Variants in CCDC178 observed in about 807,000 individuals in gnomAD.
The protein encoded by CCDC178 is coiled-coil domain containing 178.
Under a neutral mutation model 117.4 loss-of-function variants are expected in CCDC178, and 126 were observed. That is an observed-to-expected ratio of 1.07 (90% confidence interval 0.93 to 1.24). The LOEUF (loss-of-function observed/expected upper bound fraction) is 1.24. Among genes scored for constraint, CCDC178 ranks in the 50% most tolerant of loss-of-function variants. The probability of loss-of-function intolerance (pLI) is 0.00; values close to 1 mark genes in which losing one functional copy is unlikely to be tolerated. For synonymous variants in CCDC178, 283 were observed against 313.4 expected, an observed-to-expected ratio of 0.90 and a Z score of 1.02; for missense variants, 1,030 against 986.9, an observed-to-expected ratio of 1.04 and a Z score of -0.59.
intron 21 of CCDC178, among the ~76,000 whole-genome samples, chr18:33,004,876 C>A (rs2055716463): frequency 6.6e-6 from 1 of 152,054 alleles, no homozygotes; most frequent in Non-Finnish European, 1.5e-5. Flanking sequence ...CTCAACATCA[C>A]TGATCATCAG....
chr18:33,081,168 T>C (rs1327925879), intron 21 of CCDC178, among the ~76,000 whole-genome samples: 1 of 152,178 alleles, frequency 6.6e-6, no homozygotes, highest in African/African-American at 2.4e-5. Context: ...TCACAATGTG[T>C]CTGAGGTTTT....
intron 21 of CCDC178, among the ~76,000 whole-genome samples, chr18:32,979,492 TG>T (rs548624315): frequency 1.1e-4 from 16 of 152,274 alleles, no homozygotes; most frequent in African/African-American, 3.9e-4. Flanking sequence ...AATTTTGAAT[TG>T]TAATAGAAAA....
intron 6 of CCDC178, among the ~76,000 whole-genome samples, chr18:33,365,600 A>C (rs1377227334): frequency 6.6e-6 from 1 of 152,098 alleles, no homozygotes; most frequent in Non-Finnish European, 1.5e-5. Flanking sequence ...CATTTTATAA[A>C]TATTAGCTTT....
chr18:33,043,248 T>G (rs951510854), intron 21 of CCDC178, among the ~76,000 whole-genome samples: 1 of 152,036 alleles, frequency 6.6e-6, no homozygotes, highest in Non-Finnish European at 1.5e-5. Flanking sequence ...GTAAAAAAAC[T>G]ATCTAAAAAG....
chr18:33,430,931 C>T lies in CCDC178; in HGVS notation c.-23+9031G>A, dbSNP rs577299770. On this transcript the variant is annotated intron_variant, in intron 2 of 22. Transcript: ENST00000383096. The stretch of plus-strand genomic sequence containing the variant: ...ACTAAAAACACACAAAAAAATTAGC[C>T]GGGCGCGGTGGTGGGCCCCTGTGGT... Among the ~76,000 whole-genome samples the T allele has an allele frequency of 5.7e-4, 86 of 151,968 alleles. 1 individual carries two copies. Among genetic ancestry groups the T allele is most frequent in the African/African-American group, 2.0e-3 (82 of 41,484 alleles).
At chr18:33,174,797 G>T (rs1168373875) in intron 20 of CCDC178, among the ~76,000 whole-genome samples, 3 of 151,890 alleles carry the variant, frequency 2.0e-5, no homozygotes, top group Admixed American at 6.6e-5. Context: ...AATAATAGGA[G>T]TAACCTTATC....
chr18:33,048,340 C>T (rs978707568), intron 21 of CCDC178, among the ~76,000 whole-genome samples: 48 of 152,084 alleles, frequency 3.2e-4, no homozygotes, highest in African/African-American at 1.1e-3. Flanking sequence ...TAAGATACTC[C>T]CAACATTCTA....
intron 22 of CCDC178, among the ~76,000 whole-genome samples, chr18:32,941,171 A>T (rs1292012830): frequency 6.6e-6 from 1 of 152,018 alleles, no homozygotes; most frequent in Non-Finnish European, 1.5e-5. Flanking sequence ...GCAGATCTGT[A>T]ATGTGACATG....
intron 21 of CCDC178, among the ~76,000 whole-genome samples, chr18:33,042,413 C>T (rs2056565632): frequency 6.6e-6 from 1 of 151,824 alleles, no homozygotes; most frequent in African/African-American, 2.4e-5. Flanking sequence ...AAGATAAATT[C>T]AAAAGGTGTA....
intron 11 of CCDC178, among the ~76,000 whole-genome samples, chr18:33,305,640 C>T (rs2062238260): frequency 6.6e-6 from 1 of 152,128 alleles, no homozygotes; most frequent in Admixed American, 6.5e-5. Context: ...CTATTTACTC[C>T]TCTTAGTGAT....
intron 20 of CCDC178, among the ~76,000 whole-genome samples, chr18:33,094,742 C>T (rs910078306): frequency 6.6e-6 from 1 of 151,902 alleles, no homozygotes; most frequent in Non-Finnish European, 1.5e-5. Flanking sequence ...ACCAGTTCTT[C>T]CACTTTATAT....
intron 20 of CCDC178, among the ~76,000 whole-genome samples, chr18:33,127,025 C>T (rs1258444597): frequency 1.7e-4 from 24 of 141,040 alleles, no homozygotes; most frequent in African/African-American, 6.5e-4. Context: ...TACACACACA[C>T]ACACACACAC....
intron 5 of CCDC178, among the ~76,000 whole-genome samples, chr18:33,384,542 G>A (rs1285262768): frequency 6.6e-6 from 1 of 152,154 alleles, no homozygotes; most frequent in Non-Finnish European, 1.5e-5. Flanking sequence ...AGCCAGAAGA[G>A]ATTGGGGGCC....
chr18:33,410,069 C>T (rs1433547826), intron 3 of CCDC178, among the ~76,000 whole-genome samples: 1 of 152,136 alleles, frequency 6.6e-6, no homozygotes, highest in Non-Finnish European at 1.5e-5. Flanking sequence ...TTAAGTCATG[C>T]TTAATATGAT....
At chr18:33,095,147 T>C (rs955581882) in intron 20 of CCDC178, among the ~76,000 whole-genome samples, 43 of 152,116 alleles carry the variant, frequency 2.8e-4, no homozygotes, top group African/African-American at 1.0e-3. Context: ...TTCTTTTTTT[T>C]CACTTCTTTT....
At position 33,288,345 on chromosome 18, in the gene CCDC178, CTCCTGTCCCCTCCTCTCCCT is replaced by C. The variant is rs1196079906; in HGVS notation, c.1176+4794_1176+4813del. Among the ~76,000 whole-genome samples the C allele has an allele frequency of 2.3e-3, 261 of 111,514 alleles. 9 individuals carry two copies. The highest frequency in any genetic ancestry group is 7.7e-3 in the African/African-American group (214 of 27,862). 73.2% of individuals were successfully genotyped at this position (111,514 alleles called of 152,430 possible). A position where few individuals can be genotyped will look rare whatever the true frequency, so the allele number is the denominator to read the frequency against. On this transcript the variant is annotated intron_variant, in intron 12 of 22. Coordinates refer to ENST00000383096, the MANE Select transcript of CCDC178 (RefSeq NM_001105528.4). ...CTCCTCTTCCCTCCTCTCTCCTCCC[CTCCTGTCCCCTCCTCTCCCT>C]TCTGCTCTCCTCCCCTCCTCTCCCC... is the stretch of plus-strand genomic sequence containing the variant.
intron 21 of CCDC178, among the ~76,000 whole-genome samples, chr18:33,031,070 G>A (rs2056332832): frequency 1.3e-5 from 2 of 151,980 alleles, no homozygotes; most frequent in African/African-American, 4.8e-5. Flanking sequence ...TCAATTTTAG[G>A]ATTAAAATTG....
At chr18:33,165,342 C>A (rs1253804943) in intron 20 of CCDC178, among the ~76,000 whole-genome samples, 1 of 151,974 alleles carries the variant, frequency 6.6e-6, no homozygotes, top group Non-Finnish European at 1.5e-5. Context: ...TCTAGTATAA[C>A]AACAATTTAC....
intron 21 of CCDC178, among the ~76,000 whole-genome samples, chr18:33,013,129 T>C (rs1047278956): frequency 1.3e-5 from 2 of 152,148 alleles, no homozygotes; most frequent in Non-Finnish European, 2.9e-5. Flanking sequence ...CAATCTAGAA[T>C]ACTTTTATGA....
Sources: gnomAD v4.1 joint callset for allele counts (sites outside exome capture counted in the v4.1 genomes callset) on GRCh38, gnomAD v4.1.1 for gene constraint, MANE v1.5 for transcripts, NCBI Gene and HGNC (gene_info 2026-07-23, HGNC 2026-07-21) for gene names.